SMARCAD1: variants seen among roughly 807,000 people sequenced by gnomAD.
SMARCAD1 encodes SWI/SNF-related matrix-associated actin-dependent regulator of chromatin subfamily A containing DEAD/H box 1.
A neutral mutation model predicts 127.1 loss-of-function variants in SMARCAD1; 25 were observed. The observed-to-expected ratio is 0.20, with a 90% CI of 0.14 to 0.27. The LOEUF (loss-of-function observed/expected upper bound fraction) is 0.27, where lower values mean the gene tolerates loss of function less well. Among genes scored for constraint, SMARCAD1 ranks in the 10% least tolerant of loss-of-function variants. The pLI is 1.00. For synonymous variants in SMARCAD1, 400 were observed against 396.9 expected, an observed-to-expected ratio of 1.01 and a Z score of -0.09; for missense variants, 807 against 1,206.0, an observed-to-expected ratio of 0.67 and a Z score of 4.90.
At chr4:94,208,265 G>T (rs773889263) in intron 1 of SMARCAD1, 81 bp from the exon 2 acceptor site, 3 of 999,776 alleles carry the variant, frequency 3.0e-6, no homozygotes, top group Non-Finnish European at 4.8e-6. Context: ...GCCCTTTATT[G>T]CCTTGGGAAT....
intron 4 of SMARCAD1, among the ~76,000 whole-genome samples, chr4:94,236,428 A>G (rs1746662751): frequency 6.6e-6 from 1 of 152,166 alleles, no homozygotes; most frequent in Non-Finnish European, 1.5e-5. Flanking sequence ...AAATAGAGTA[A>G]AAATTAAGAG....
intron 21 of SMARCAD1, among the ~76,000 whole-genome samples, chr4:94,282,100 G>GTTTTTTTTTTTTT (rs70946518): frequency 2.1e-4 from 16 of 74,958 alleles, no homozygotes; most frequent in Non-Finnish European, 2.9e-4. Flanking sequence ...ACGTTTTTTT[G>GTTTTTTTTTTTTT]TTTTTTTTTT....
intron 8 of SMARCAD1, among the ~76,000 whole-genome samples, chr4:94,251,260 A>G (rs2125914520): frequency 6.6e-6 from 1 of 152,328 alleles, no homozygotes; most frequent in South Asian, 2.1e-4. Context: ...TATCATAGGC[A>G]TGAACACATT....
intron 3 of SMARCAD1, among the ~76,000 whole-genome samples, chr4:94,230,283 AT>A (rs796727040): frequency 0.016 from 2,358 of 144,702 alleles, 50 homozygotes; most frequent in African/African-American, 0.052. Context: ...ACTTTCGTGT[AT>A]TTTTTTTTTT....
intron 11 of SMARCAD1, 63 bp downstream of exon 11, chr4:94,270,881 C>A: frequency 6.7e-7 from 1 of 1,487,388 alleles, no homozygotes; most frequent in South Asian, 1.1e-5. Flanking sequence ...TTCTTGCTGT[C>A]ATTTAAAACA....
Position 94,274,718 on chromosome 4 carries a change from A to C in SMARCAD1, c.1673-20A>C. 1 of 1,610,492 alleles carries C rather than the reference A, an allele frequency of 6.2e-7. No individual in the cohort carries two copies. Among genetic ancestry groups the C allele is most frequent in the South Asian group, 1.1e-5 (1 of 91,016 alleles). ...TACCCTATTGTAGCAGATGCAAATAATGTCTCTTCTGTTCCATAGATAACT... is the reference window on the plus strand; with the variant it reads ...TACCCTATTGTAGCAGATGCAAATACTGTCTCTTCTGTTCCATAGATAACT... On this transcript the variant is annotated intron_variant, in intron 12 of 23. Transcript: ENST00000354268.
intron 5 of SMARCAD1, 133 bp downstream of exon 5, chr4:94,237,151 GTTTCA>G: frequency 1.3e-6 from 1 of 768,156 alleles, no homozygotes; most frequent in South Asian, 1.5e-5. Flanking sequence ...GGTATTAATA[GTTTCA>G]CTGTTTTTCC....
intron 21 of SMARCAD1, 51 bp downstream of exon 21, chr4:94,281,641 G>A (rs1318335832): frequency 8.5e-7 from 1 of 1,178,656 alleles, no homozygotes; most frequent in Non-Finnish European, 1.3e-6. Context: ...TATTATTATT[G>A]TTAGGATTTT....
chr4:94,287,112 G>A (rs1207292352), intron 23 of SMARCAD1, among the ~76,000 whole-genome samples: 1 of 151,766 alleles, frequency 6.6e-6, no homozygotes, highest in Admixed American at 6.6e-5. Flanking sequence ...GAGCCACCGC[G>A]CCTGGCCTCT....
At chr4:94,266,933 A>T (rs1331501268) in intron 10 of SMARCAD1, among the ~76,000 whole-genome samples, 2 of 152,164 alleles carry the variant, frequency 1.3e-5, no homozygotes, top group Admixed American at 6.5e-5. Flanking sequence ...CATAATCTTT[A>T]TTTTAAAATG....
chr4:94,265,062 T>C (rs1030171084), intron 10 of SMARCAD1, among the ~76,000 whole-genome samples, 156 bp downstream of exon 10: 2 of 151,910 alleles, frequency 1.3e-5, no homozygotes, highest in Non-Finnish European at 2.9e-5. Flanking sequence ...CTATGAACTG[T>C]TTTTCATTGA....
intron 2 of SMARCAD1, among the ~76,000 whole-genome samples, chr4:94,220,997 T>C (rs1179380282): frequency 6.6e-6 from 1 of 152,228 alleles, no homozygotes. Context: ...AGAACACCAC[T>C]GATTCACAAA....
chr4:94,283,942 C>G (rs1408022950), intron 22 of SMARCAD1, among the ~76,000 whole-genome samples: 1 of 152,136 alleles, frequency 6.6e-6, no homozygotes, highest in Non-Finnish European at 1.5e-5. Flanking sequence ...ACTTGCTGGG[C>G]TGTCCTGTTA....
intron 6 of SMARCAD1, among the ~76,000 whole-genome samples, chr4:94,242,803 G>C (rs1416064565): frequency 1.3e-5 from 2 of 151,628 alleles, no homozygotes; most frequent in Non-Finnish European, 2.9e-5. Flanking sequence ...TGTAATCTCA[G>C]CTACCCGGAG....
chr4:94,217,343 A>G (rs1017530815), intron 2 of SMARCAD1, among the ~76,000 whole-genome samples: 1 of 152,102 alleles, frequency 6.6e-6, no homozygotes, highest in Non-Finnish European at 1.5e-5. Context: ...GTTTGTTTGC[A>G]TCTTTGGGTC....
At chr4:94,226,401 T>A in intron 3 of SMARCAD1, 105 bp downstream of exon 3, 6 of 557,878 alleles carry the variant, frequency 1.1e-5, no homozygotes, top group Non-Finnish European at 1.3e-5. Context: ...TTTTTTTTTT[T>A]CTTTTTTTTT....
intron 14 of SMARCAD1, among the ~76,000 whole-genome samples, chr4:94,275,539 T>C (rs543669821): frequency 2.0e-4 from 30 of 152,270 alleles, no homozygotes; most frequent in African/African-American, 7.2e-4. Flanking sequence ...TAAAAATTCA[T>C]GCGGAATTTT....
chr4:94,207,815 T>C (rs963454554), upstream of SMARCAD1: 1 of 302,178 alleles, frequency 3.3e-6, no homozygotes, highest in Non-Finnish European at 6.5e-6. Context: ...CCTCTGAACC[T>C]TCCTGTGTGT....
intron 22 of SMARCAD1, among the ~76,000 whole-genome samples, chr4:94,284,326 C>CAAAAAAAAAAA (rs1161926658): frequency 1.3e-3 from 34 of 25,922 alleles, no homozygotes; most frequent in African/African-American, 2.9e-3. Flanking sequence ...GACTCCGTCT[C>CAAAAAAAAAAA]AAAAAAAAAA....
Sources: allele counts gnomAD v4.1 joint callset (sites outside exome capture counted in the v4.1 genomes callset), GRCh38; gene constraint gnomAD v4.1.1; transcripts MANE v1.5; gene names NCBI Gene and HGNC (gene_info 2026-07-23, HGNC 2026-07-21).